AGBL1: variants seen among roughly 807,000 people sequenced by gnomAD.
AGBL1 encodes the protein cytosolic carboxypeptidase 4.
In AGBL1, 130 loss-of-function variants were observed where a neutral mutation model predicts 118.9. That is an observed-to-expected ratio of 1.09 (90% CI 0.95 to 1.26). AGBL1 has a LOEUF of 1.26. Among genes scored for constraint, AGBL1 ranks in the 50% most tolerant of loss-of-function variants. The pLI is 0.00. For missense variants in AGBL1, 1,584 were observed against 1,298.1 expected (o/e 1.22, Z -3.38); for synonymous variants, 555 against 478.9 (o/e 1.16, Z -2.08).
intron 21 of AGBL1, among the ~76,000 whole-genome samples, chr15:86,664,018 T>C (rs1224782423): frequency 1.3e-5 from 2 of 152,050 alleles, no homozygotes; most frequent in Non-Finnish European, 2.9e-5. Context: ...ATTTCACCAA[T>C]AAAAGACCCA....
At position 86,911,349 on chromosome 15, in the gene AGBL1, A is replaced by G. The variant is rs1410515997; in HGVS notation, c.*4055A>G. 6.6e-6 allele frequency: 1 copy of G among 152,142 alleles called. No homozygotes were observed. The highest frequency in any genetic ancestry group is 1.5e-5 in the Non-Finnish European group (1 of 68,050). The allele number at this position is 152,142 out of a possible 1,614,324, so 9.4% of individuals were successfully genotyped here. On this transcript the variant is annotated 3_prime_UTR_variant, in exon 23 of 23. Coordinates refer to ENST00000614907, the MANE Select transcript of AGBL1 (RefSeq NM_001386094.1). ...ACCTTTAAGATAGTCCCATTGTTAG[A>G]ATAGAAGCCCAAGACTTGCCACCCA...
At chr15:86,478,439 G>A in intron 18 of AGBL1, among the ~76,000 whole-genome samples, 1 of 151,952 alleles carries the variant, frequency 6.6e-6, no homozygotes, top group East Asian at 1.9e-4. Context: ...ACACCAATAA[G>A]AGAAAAACGG....
chr15:86,764,580 A>T lies in AGBL1; in HGVS notation c.3158+90144A>T, dbSNP rs531712650. On this transcript the variant is annotated intron_variant, in intron 22 of 22. Coordinates refer to ENST00000614907, the MANE Select transcript of AGBL1 (RefSeq NM_001386094.1). The stretch of plus-strand genomic sequence containing the variant: ...TAAATCCTGTATACTCTTACATTTT[A>T]AAGTTATTTGTAGGGTAAAAGTATA... 5.9e-5 allele frequency among the ~76,000 whole-genome samples: 9 copies of T among 152,080 alleles called. No individual in the cohort carries two copies. In the South Asian group the frequency reaches 1.7e-3, roughly 28 times the overall value.
At chr15:86,661,639 C>G (rs931956287) in intron 21 of AGBL1, among the ~76,000 whole-genome samples, 2 of 151,922 alleles carry the variant, frequency 1.3e-5, no homozygotes, top group Non-Finnish European at 2.9e-5. Context: ...GGAGAATTAC[C>G]AATTGCCACG....
intron 22 of AGBL1, among the ~76,000 whole-genome samples, chr15:86,801,296 A>G (rs573557791): frequency 6.9e-6 from 1 of 144,502 alleles, no homozygotes; most frequent in East Asian, 2.1e-4. Context: ...TTGGCTTATA[A>G]CTGTTGATGA....
chr15:86,870,251 T>C (rs1249029040), intron 22 of AGBL1, among the ~76,000 whole-genome samples: 4 of 151,858 alleles, frequency 2.6e-5, no homozygotes, highest in Admixed American at 1.3e-4. Flanking sequence ...AGAAATACTT[T>C]ATCTCTATTT....
chr15:86,945,947 T>A (rs1431675019), intron 23 of AGBL1, among the ~76,000 whole-genome samples: 3 of 152,230 alleles, frequency 2.0e-5, no homozygotes, highest in Non-Finnish European at 4.4e-5. Context: ...AGTGCCTTCA[T>A]GTGCGTTATC....
Position 86,464,158 on chromosome 15 carries a change from C to T in AGBL1, c.2556-58652C>T, listed in dbSNP as rs900384454. 2.0e-5 allele frequency among the ~76,000 whole-genome samples: 3 copies of T among 151,952 alleles called. No homozygotes were observed. The East Asian group carries it at 5.8e-4, about 29-fold the overall frequency. On this transcript the variant is annotated intron_variant, in intron 18 of 22. Coordinates refer to ENST00000614907, the MANE Select transcript of AGBL1 (RefSeq NM_001386094.1). ...TTCCCAGAAAGACGGTCTTCGTGTCCCTTGTAAGTTGTATTCCCAGGTATT... is the reference window on the plus strand; with the variant it reads ...TTCCCAGAAAGACGGTCTTCGTGTCTCTTGTAAGTTGTATTCCCAGGTATT...
chr15:86,618,749 T>A (rs1288560060), intron 21 of AGBL1, among the ~76,000 whole-genome samples: 1 of 152,190 alleles, frequency 6.6e-6, no homozygotes, highest in East Asian at 1.9e-4. Flanking sequence ...AAGTGGATCA[T>A]AGACTGATCT....
At chr15:86,924,238 A>C (rs1047425029) in intron 23 of AGBL1, among the ~76,000 whole-genome samples, 8 of 152,230 alleles carry the variant, frequency 5.3e-5, no homozygotes, top group African/African-American at 1.9e-4. Context: ...AGTGCCACAC[A>C]CAAGTTCTGC....
rs149864140 is a variant in AGBL1, at chr15:86,906,579, C to T, written c.3159-508C>T. On this transcript the variant is annotated intron_variant, in intron 22 of 22. Coordinates refer to ENST00000614907, the MANE Select transcript of AGBL1 (RefSeq NM_001386094.1). ...GTGCTGTTTATTGGAGTGGGAAACA[C>T]GAGGGCTTTGAGTTCTGTCTACCTG... Among the ~76,000 whole-genome samples, 62 of 152,190 alleles carry T rather than the reference C, an allele frequency of 4.1e-4. 1 individual carries two copies. The highest frequency in any genetic ancestry group is 1.3e-3 in the African/African-American group (53 of 41,530).
intron 18 of AGBL1, among the ~76,000 whole-genome samples, chr15:86,448,749 G>A (rs2082157760): frequency 1.3e-5 from 2 of 152,206 alleles, no homozygotes; most frequent in South Asian, 4.2e-4. Context: ...GTAATTGATT[G>A]GTTATGGAGG....
At chr15:86,113,500 G>C (rs1277066709) in intron 1 of AGBL1, among the ~76,000 whole-genome samples, 1 of 151,786 alleles carries the variant, frequency 6.6e-6, no homozygotes, top group Non-Finnish European at 1.5e-5. Context: ...TGGCCAGGCT[G>C]GTCTCGAACT....
chr15:86,089,867 G>A (rs923565598), intron 1 of AGBL1, among the ~76,000 whole-genome samples: 9 of 152,020 alleles, frequency 5.9e-5, no homozygotes, highest in Admixed American at 2.0e-4. Flanking sequence ...GACTTTAATT[G>A]CACCAACTTA....
chr15:86,943,284 A>G (rs1344005612), intron 23 of AGBL1, among the ~76,000 whole-genome samples: 3 of 152,210 alleles, frequency 2.0e-5, no homozygotes, highest in Non-Finnish European at 4.4e-5. Context: ...TCTACTGGAA[A>G]CTTTGTGTGG....
intron 22 of AGBL1, among the ~76,000 whole-genome samples, chr15:86,774,911 G>C (rs999715267): frequency 6.6e-6 from 1 of 152,232 alleles, no homozygotes; most frequent in Admixed American, 6.5e-5. Context: ...ATGCTAAGGA[G>C]TGAGGATGTT....
chr15:86,843,337 CT>C (rs74389348), intron 22 of AGBL1, among the ~76,000 whole-genome samples: 3,341 of 146,312 alleles, frequency 0.023, 116 homozygotes, highest in East Asian at 0.18. Context: ...GAAGCCAGGA[CT>C]TTTTTTTTTT....
chr15:86,791,752 T>TATATATA (rs1596484570), intron 22 of AGBL1, among the ~76,000 whole-genome samples: 5 of 127,588 alleles, frequency 3.9e-5, no homozygotes, highest in African/African-American at 1.5e-4. Context: ...ATATATATAT[T>TATATATA]TTGAGACAGA....
At chr15:86,241,797 CA>C (rs1167990268) in intron 6 of AGBL1, among the ~76,000 whole-genome samples, 2 of 152,124 alleles carry the variant, frequency 1.3e-5, no homozygotes, top group Non-Finnish European at 2.9e-5. Context: ...GTAACTTAAC[CA>C]AGGTTACACA....
Sources: allele counts gnomAD v4.1 joint callset (sites outside exome capture counted in the v4.1 genomes callset), GRCh38; gene constraint gnomAD v4.1.1; transcripts MANE v1.5; gene names NCBI Gene and HGNC (gene_info 2026-07-23, HGNC 2026-07-21).